ARHGEF28: variants seen among roughly 807,000 people sequenced by gnomAD.
ARHGEF28 encodes Rho guanine nucleotide exchange factor 28.
ARHGEF28 carries 152 observed loss-of-function variants against 206.6 expected under a neutral mutation model. The ratio of observed to expected loss-of-function variants is 0.74; its 90% CI spans 0.64 to 0.84. The LOEUF is 0.84. Ranked by LOEUF, ARHGEF28 falls within the 40% of genes least tolerant of loss-of-function variation. The pLI is 0.00. For synonymous variants in ARHGEF28, 763 were observed against 776.4 expected, an observed-to-expected ratio of 0.98 and a Z score of 0.29; for missense variants, 2,028 against 2,073.2, an observed-to-expected ratio of 0.98 and a Z score of 0.42.
intron 7 of ARHGEF28, among the ~76,000 whole-genome samples, chr5:73,782,818 C>T (rs1032720949): frequency 2.6e-5 from 4 of 152,148 alleles, no homozygotes; most frequent in Admixed American, 6.5e-5. Context: ...TACCTGTAGC[C>T]GATCAAGTTT....
chr5:73,753,677 G>T (rs1382974506), intron 4 of ARHGEF28, among the ~76,000 whole-genome samples: 2 of 152,206 alleles, frequency 1.3e-5, no homozygotes, highest in East Asian at 1.9e-4. Context: ...GAGAGCATTT[G>T]TGTTACATTT....
chr5:73,801,950 G>T (rs774636579), intron 9 of ARHGEF28, among the ~76,000 whole-genome samples: 3 of 152,128 alleles, frequency 2.0e-5, no homozygotes, highest in African/African-American at 7.2e-5. Context: ...TGAGAATCAC[G>T]GTCAGAGATC....
chr5:73,734,467 A>T (rs962158243), intron 2 of ARHGEF28, among the ~76,000 whole-genome samples: 1 of 152,166 alleles, frequency 6.6e-6, no homozygotes, highest in African/African-American at 2.4e-5. Flanking sequence ...CTTCTAGGCA[A>T]ATGTGCTGAT....
Position 73,801,722 on chromosome 5 carries a change from T to C in ARHGEF28, c.1024+6331T>C, listed in dbSNP as rs571521564. 1.5e-3 allele frequency among the ~76,000 whole-genome samples: 233 copies of C among 152,282 alleles called. 2 individuals are homozygous for C. The highest frequency in any genetic ancestry group is 4.2e-3 in the African/African-American group (176 of 41,580). On this transcript the variant is annotated intron_variant, in intron 9 of 35. Coordinates refer to ENST00000513042, the MANE Select transcript of ARHGEF28 (RefSeq NM_001177693.2). ...AGCTTCTGTGTAGTCCTTTCTTTTTTTCTTTTCTCTTTTTTTGGGGAGTTG... is the reference window on the plus strand; with the variant it reads ...AGCTTCTGTGTAGTCCTTTCTTTTTCTCTTTTCTCTTTTTTTGGGGAGTTG...
intron 2 of ARHGEF28, among the ~76,000 whole-genome samples, chr5:73,706,105 C>T (rs1158737485): frequency 6.6e-6 from 1 of 152,192 alleles, no homozygotes; most frequent in African/African-American, 2.4e-5. Context: ...TTTTCACACC[C>T]TTGGGCCACA....
rs371890685 is a variant in ARHGEF28, at chr5:73,697,458, G to T, written c.33+12574G>T. Among the ~76,000 whole-genome samples, 11 of 152,312 alleles carry T rather than the reference G, an allele frequency of 7.2e-5. No individual in the cohort carries two copies. The East Asian group carries it at 1.2e-3, about 16-fold the overall frequency. On this transcript the variant is annotated intron_variant, in intron 2 of 35. Transcript: ENST00000513042. ...ACTAGAAGCTGGGAAGTCCAAAGTTGAGGGGGCACGTGTAGTGAGAGCTGC... is the reference window on the plus strand; with the variant it reads ...ACTAGAAGCTGGGAAGTCCAAAGTTTAGGGGGCACGTGTAGTGAGAGCTGC...
intron 2 of ARHGEF28, among the ~76,000 whole-genome samples, chr5:73,700,164 G>T (rs1748508623): frequency 1.3e-5 from 2 of 152,204 alleles, no homozygotes; most frequent in African/African-American, 4.8e-5. Flanking sequence ...AATGATTGAG[G>T]TCTGAATGTG....
intron 5 of ARHGEF28, 45 bp downstream of exon 5, chr5:73,774,083 C>T (rs775434678): frequency 9.4e-6 from 14 of 1,489,252 alleles, no homozygotes; most frequent in Middle Eastern, 1.9e-4. Context: ...TGTATAAAGT[C>T]GGCCAAGCAT....
chr5:73,898,042 G>A lies in ARHGEF28; in HGVS notation c.3922G>A (p.Val1308Ile), dbSNP rs1294004268. Residue 1308 changes from valine to isoleucine, a missense_variant, in exon 30 of 36, where the codon GTC becomes ATC. Physicochemically the swap from Val to Ile is conservative, Grantham distance 29. Transcript: ENST00000513042. ...QSCEDSCGDS[V>I]LADTLSSHDV... Reference sequence around the variant, plus strand: ...ATGTGAGGACAGTTGTGGAGACTCTGTCTTGGCGGACACACTCAGTTCTCA... The same window carrying A: ...ATGTGAGGACAGTTGTGGAGACTCTATCTTGGCGGACACACTCAGTTCTCA... The A allele has an allele frequency of 3.7e-6, 6 of 1,610,964 alleles. No individual in the cohort carries two copies. The African/African-American group carries it at 6.7e-5, about 18-fold the overall frequency.
rs944379690 is a variant in ARHGEF28, at chr5:73,760,041, ATAGAGCAAGGC to A, written c.475+6840_475+6850del. On this transcript the variant is annotated intron_variant, in intron 4 of 35. Transcript: ENST00000513042. ...TGCTGGCTGTAGATATAGAAAGAAAATAGAGCAAGGCCCCAGAGCCTGGCACTGTGGGTTGG... is the reference window on the plus strand; with the variant it reads ...TGCTGGCTGTAGATATAGAAAGAAAACCCAGAGCCTGGCACTGTGGGTTGG... Among the ~76,000 whole-genome samples, 135 of 152,358 alleles carry A rather than the reference ATAGAGCAAGGC, an allele frequency of 8.9e-4. 1 individual carries two copies. Among genetic ancestry groups the A allele is most frequent in the African/African-American group, 3.0e-3 (124 of 41,586 alleles).
rs539383983 is a variant in ARHGEF28, at chr5:73,752,774, G to A, written c.182-135G>A. 191 of 973,752 alleles carry A rather than the reference G, an allele frequency of 2.0e-4. 2 individuals are homozygous for A. The South Asian group carries it at 3.1e-3, about 16-fold the overall frequency. The allele number at this position is 973,752 out of a possible 1,614,324, so 60.3% of individuals were successfully genotyped here. A position where few individuals can be genotyped will look rare whatever the true frequency, so the allele number is the denominator to read the frequency against. The stretch of plus-strand genomic sequence containing the variant: ...GCTTGGCAGTGTGTAAGGGTAATGG[G>A]CTGGCTTTCCTTTCTGCTTTGTTCT... On this transcript the variant is annotated intron_variant, in intron 3 of 35. Coordinates refer to ENST00000513042, the MANE Select transcript of ARHGEF28 (RefSeq NM_001177693.2).
intron 33 of ARHGEF28, among the ~76,000 whole-genome samples, chr5:73,908,164 A>C (rs1216966458): frequency 6.6e-6 from 1 of 152,222 alleles, no homozygotes; most frequent in Non-Finnish European, 1.5e-5. Context: ...TGTGTCTGAA[A>C]TTTTAAAGAT....
chr5:73,861,592 C>A (rs931528770), intron 16 of ARHGEF28, among the ~76,000 whole-genome samples: 8 of 152,146 alleles, frequency 5.3e-5, no homozygotes, highest in African/African-American at 1.9e-4. Flanking sequence ...GCCACAACAC[C>A]CAGCTATATG....
intron 9 of ARHGEF28, among the ~76,000 whole-genome samples, chr5:73,829,419 C>T (rs144017395): frequency 2.6e-5 from 4 of 152,254 alleles, no homozygotes; most frequent in East Asian, 3.9e-4. Context: ...CTCACTCTGT[C>T]GCCAAGGCTG....
chr5:73,775,285 C>T (rs1753479823), intron 5 of ARHGEF28, among the ~76,000 whole-genome samples: 1 of 152,130 alleles, frequency 6.6e-6, no homozygotes, highest in African/African-American at 2.4e-5. Flanking sequence ...TCTAATAAAT[C>T]CATTCATGGA....
chr5:73,932,953 C>T (rs1027891555), intron 35 of ARHGEF28, among the ~76,000 whole-genome samples: 7 of 151,536 alleles, frequency 4.6e-5, no homozygotes, highest in Admixed American at 2.6e-4. Context: ...GGACTACAGG[C>T]GCGCGCCACC....
chr5:73,689,227 AT>A (rs750156922), intron 2 of ARHGEF28, among the ~76,000 whole-genome samples: 2 of 152,186 alleles, frequency 1.3e-5, no homozygotes, highest in Non-Finnish European at 1.5e-5. Context: ...GTGCTGTAGA[AT>A]TTTTTTGGCT....
At chr5:73,806,833 A>G (rs1193866985) in intron 9 of ARHGEF28, among the ~76,000 whole-genome samples, 1 of 146,742 alleles carries the variant, frequency 6.8e-6, no homozygotes, top group Non-Finnish European at 1.5e-5. Context: ...GATATATCGT[A>G]TATATGGTAT....
intron 1 of ARHGEF28, among the ~76,000 whole-genome samples, chr5:73,636,355 T>A (rs1458526290): frequency 1.3e-5 from 2 of 152,234 alleles, no homozygotes; most frequent in Admixed American, 6.5e-5. Context: ...TTAAAGAAAC[T>A]ACATCTTGAC....
Sources: allele counts gnomAD v4.1 joint callset (sites outside exome capture counted in the v4.1 genomes callset), GRCh38; gene constraint gnomAD v4.1.1; transcripts MANE v1.5; gene names NCBI Gene and HGNC (gene_info 2026-07-23, HGNC 2026-07-21).